CSF2RB: variants seen among roughly 807,000 people sequenced by gnomAD.
CSF2RB encodes colony stimulating factor 2 receptor subunit beta, also known as cytokine receptor common subunit beta.
CSF2RB carries 22 observed loss-of-function variants against 67.2 expected under a neutral mutation model. That is an observed-to-expected ratio of 0.33 (90% CI 0.23 to 0.47). CSF2RB has a LOEUF of 0.47. CSF2RB is among the 20% of genes least tolerant of loss of function. The pLI is 1.00. For synonymous variants in CSF2RB, 507 were observed against 482.9 expected, an observed-to-expected ratio of 1.05 and a Z score of -0.65; for missense variants, 1,113 against 1,174.5, an observed-to-expected ratio of 0.95 and a Z score of 0.76.
rs16985564 is a variant in CSF2RB at position 36,921,508 on chromosome 22, T to C, written c.-172-528T>C. ...TTGCATGGGCATCTTGAGTGAAGCT[T>C]CCAACAATCTAACAGAAGAAAAGGA... On this transcript the variant is annotated intron_variant, in intron 1 of 13. Coordinates refer to ENST00000403662, the MANE Select transcript of CSF2RB (RefSeq NM_000395.3). Among the ~76,000 whole-genome samples, 1,462 of 152,082 alleles carry C rather than the reference T, an allele frequency of 9.6e-3. 13 individuals are homozygous for C. Among genetic ancestry groups the C allele is most frequent in the Non-Finnish European group, 0.012 (798 of 67,990 alleles).
Position 36,937,826 on chromosome 22 carries a change from G to T in CSF2RB, c.2018G>T (p.Gly673Val). The T allele has an allele frequency of 6.2e-7, 1 of 1,601,270 alleles. No homozygotes were observed. ...AGTCCCTCCCTGGAGTCCGGGGGAG[G>T]CCCTGCCCCTCCTGCTCTTGGGCCA... ...AGSPSLESGG[G>V]PAPPALGPRV... The change falls in exon 14 of 14, where the codon GGC (glycine) becomes GTC (valine). Residue 673 changes from glycine (G) to valine (V), a missense_variant. Physicochemically the swap from Gly to Val is moderately radical, Grantham distance 109. Around this residue, in one of 2 missense-constraint regions of CSF2RB, gnomAD observed 554 missense variants for 517.9 expected, o/e 1.07. Transcript: ENST00000403662. The surrounding 1 kb of genome is among the most constrained non-coding windows in gnomAD (Gnocchi z 4.6).
In CSF2RB at chr22:36,923,212, G is replaced by A. The variant is rs1169908591; in HGVS notation, c.77-32G>A. ...TGGTGACAAGGGTCCCTGCAGGAAA[G>A]AGAGGTGACCCCCTTCTACCCCTCT... On this transcript the variant is annotated intron_variant, in intron 2 of 13. Coordinates refer to ENST00000403662, the MANE Select transcript of CSF2RB (RefSeq NM_000395.3). 9.9e-6 allele frequency: 16 copies of A among 1,613,958 alleles called. No homozygotes were observed. In the Admixed American group the frequency reaches 2.5e-4, roughly 25 times the overall value.
At chr22:36,931,187 G>A (rs934890503) in intron 8 of CSF2RB, among the ~76,000 whole-genome samples, 3 of 152,052 alleles carry the variant, frequency 2.0e-5, no homozygotes, top group Non-Finnish European at 2.9e-5. Context: ...ATTCCCCACC[G>A]ACTGATATTC....
Position 36,926,187 on chromosome 22 carries a change from T to C in CSF2RB, c.391+10T>C. 6.2e-7 allele frequency: 1 copy of C among 1,613,400 alleles called. No homozygotes were observed. The highest frequency in any genetic ancestry group is 8.5e-7 in the Non-Finnish European group (1 of 1,179,898). On this transcript the variant is annotated intron_variant, in intron 4 of 13. Transcript: ENST00000403662. Reference sequence around the variant, plus strand: ...ACTCTGACCCAGCATGGTGAGGGGCTGGGGGCCCTGCCCGGGGCTTGGTTT... The same window carrying C: ...ACTCTGACCCAGCATGGTGAGGGGCCGGGGGCCCTGCCCGGGGCTTGGTTT...
rs749940662 is a variant in CSF2RB, at chr22:36,935,397, C to T, written c.1362C>T (p.Ile454=). 9 of 1,614,092 alleles carry T rather than the reference C, an allele frequency of 5.6e-6. 1 individual carries two copies. Among genetic ancestry groups the T allele is most frequent in the South Asian group, 4.4e-5 (4 of 91,090 alleles). The part of the protein sequence containing the change: ...VLALIVIFLT[I]AVLLALRFCG... The stretch of plus-strand genomic sequence containing the variant: ...CCCTCATCGTGATCTTCCTCACCAT[C>T]GCTGTGCTCCTGGCCCTCCGCTTCT... The change falls in exon 11 of 14, where the codon ATC becomes ATT. Residue 454 remains isoleucine, a synonymous_variant. Coordinates refer to ENST00000403662, the MANE Select transcript of CSF2RB (RefSeq NM_000395.3).
In CSF2RB at chr22:36,935,355, G is replaced by A. The variant is rs141316742; in HGVS notation, c.1320G>A (p.Leu440=). 1.5e-4 allele frequency: 244 copies of A among 1,614,176 alleles called. 1 individual carries two copies. The Middle Eastern group carries it at 3.1e-3, about 21-fold the overall frequency. Residue 440 remains leucine, a synonymous_variant, in exon 11 of 14, where the codon CTG becomes CTA. Coordinates refer to ENST00000403662, the MANE Select transcript of CSF2RB (RefSeq NM_000395.3). ...TTTCTCCCCGGCTGCTGGAAGTGCT[G>A]CCTATGTGGGTGCTGGCCCTCATCG... ...EARSWDTESV[L]PMWVLALIVI...
At chr22:36,918,762 A>C (rs1940781717) in intron 1 of CSF2RB, among the ~76,000 whole-genome samples, 1 of 152,238 alleles carries the variant, frequency 6.6e-6, no homozygotes, top group African/African-American at 2.4e-5. Flanking sequence ...TTTTCCCAGC[A>C]TATAAAAGAT....
chr22:36,920,032 G>A (rs1041954519), intron 1 of CSF2RB, among the ~76,000 whole-genome samples: 2 of 152,278 alleles, frequency 1.3e-5, no homozygotes, highest in African/African-American at 4.8e-5. Flanking sequence ...CTTACCAACC[G>A]TGTGACTGTC....
Position 36,937,807 on chromosome 22 carries a change from T to G in CSF2RB, c.1999T>G (p.Ser667Ala). The part of the protein sequence containing the change: ...RPSQGAAGSP[S>A]LESGGGPAPP... ...GAGCCAGGGGGCTGCAGGGAGTCCC[T>G]CCCTGGAGTCCGGGGGAGGCCCTGC... Residue 667 changes from serine to alanine, a missense_variant, in exon 14 of 14, where the codon TCC (serine) becomes GCC (alanine). Physicochemically the swap from Ser to Ala is moderately conservative, Grantham distance 99. Coordinates refer to ENST00000403662, the MANE Select transcript of CSF2RB (RefSeq NM_000395.3). The surrounding 1 kb of genome is among the most constrained non-coding windows in gnomAD (Gnocchi z 4.6). 1 of 1,598,484 alleles carries G rather than the reference T, an allele frequency of 6.3e-7. No individual in the cohort carries two copies.
At position 36,930,497 on chromosome 22, in the gene CSF2RB, A is replaced by T; in HGVS notation, c.841A>T (p.Ser281Cys). ...CTCCTTTGGCCTATTCTACAAGCCCAGCCCAGATGCAGGGTGAGCATCTTT... is the reference window on the plus strand; with the variant it reads ...CTCCTTTGGCCTATTCTACAAGCCCTGCCCAGATGCAGGGTGAGCATCTTT... Reference protein sequence around the residue: ...SVSFGLFYKPSPDAGEEECSP... With the variant: ...SVSFGLFYKPCPDAGEEECSP... Residue 281 changes from serine to cysteine, a missense_variant, in exon 7 of 14, where the codon AGC becomes TGC. Physicochemically the swap from Ser to Cys is moderately radical, Grantham distance 112. Around this residue, in one of 2 missense-constraint regions of CSF2RB, gnomAD observed 559 missense variants for 656.5 expected, o/e 0.85. Coordinates refer to ENST00000403662, the MANE Select transcript of CSF2RB (RefSeq NM_000395.3). 1 of 1,613,554 alleles carries T rather than the reference A, an allele frequency of 6.2e-7. No homozygotes were observed. Among genetic ancestry groups the T allele is most frequent in the Non-Finnish European group, 8.5e-7 (1 of 1,179,998 alleles).
intron 3 of CSF2RB, 67 bp downstream of exon 3, chr22:36,923,434 G>A (rs975721272): frequency 1.1e-5 from 18 of 1,579,138 alleles, no homozygotes; most frequent in Middle Eastern, 1.7e-4. Flanking sequence ...GGCATGGGGC[G>A]ACAGTGTAGA....
At position 36,922,074 on chromosome 22, in the gene CSF2RB, G is replaced by A. The variant is rs1940885517; in HGVS notation, c.-134G>A. On this transcript the variant is annotated 5_prime_UTR_variant, in exon 2 of 14. Transcript: ENST00000403662. ...AGAGGCCAGGAGGGAGAGGTCCCAA[G>A]AGCCTGTGAAATGGGTCTGGCCTGG... is the stretch of plus-strand genomic sequence containing the variant. The A allele has an allele frequency of 2.6e-6, 2 of 770,234 alleles. No homozygotes were observed. The highest frequency in any genetic ancestry group is 2.1e-5 in the Admixed American group (1 of 48,522). 47.7% of individuals were successfully genotyped at this position (770,234 alleles called of 1,614,324 possible).
Position 36,937,928 on chromosome 22 carries a change from T to A in CSF2RB, c.2120T>A (p.Val707Glu). 6.2e-7 allele frequency: 1 copy of A among 1,613,916 alleles called. No individual in the cohort carries two copies. The highest frequency in any genetic ancestry group is 8.5e-7 in the Non-Finnish European group (1 of 1,179,924). The change falls in exon 14 of 14, where the codon GTG becomes GAG. Residue 707 changes from valine (V) to glutamate (E), a missense_variant. Around this residue, in one of 2 missense-constraint regions of CSF2RB, gnomAD observed 554 missense variants for 517.9 expected, o/e 1.07. Transcript: ENST00000403662. The surrounding 1 kb of genome is among the most constrained non-coding windows in gnomAD (Gnocchi z 4.6). ...TCTGGGGACACTGAGGACCCTGGAG[T>A]GGCCTCTGGTTATGTCTCCTCTGCA... ...MSSGDTEDPG[V>E]ASGYVSSADL... is the part of the protein sequence containing the mutation.
rs977010218 is a variant in CSF2RB, at chr22:36,939,132, C to CG, written c.*637dup. On this transcript the variant is annotated 3_prime_UTR_variant, in exon 14 of 14. Transcript: ENST00000403662. ...GAGAAATGGGCATGGTATTGGGGGT[C>CG]GGGGGGGCGGTGCAAGGGACGCACA... 72 of 701,446 alleles carry CG rather than the reference C, an allele frequency of 1.0e-4. No individual in the cohort carries two copies. Among genetic ancestry groups the CG allele is most frequent in the Middle Eastern group, 4.6e-4 (2 of 4,360 alleles). 43.5% of individuals were successfully genotyped at this position (701,446 alleles called of 1,614,324 possible). A position where few individuals can be genotyped will look rare whatever the true frequency, so the allele number is the denominator to read the frequency against.
Position 36,926,192 on chromosome 22 carries a change from G to C in CSF2RB, c.391+15G>C. The stretch of plus-strand genomic sequence containing the variant: ...GACCCAGCATGGTGAGGGGCTGGGG[G>C]CCCTGCCCGGGGCTTGGTTTCCTGT... On this transcript the variant is annotated intron_variant, in intron 4 of 13. Coordinates refer to ENST00000403662, the MANE Select transcript of CSF2RB (RefSeq NM_000395.3). 2 of 1,612,916 alleles carry C rather than the reference G, an allele frequency of 1.2e-6. No homozygotes were observed. Among genetic ancestry groups the C allele is most frequent in the Non-Finnish European group, 1.7e-6 (2 of 1,179,732 alleles).
chr22:36,936,918 G>C (rs143304892), intron 13 of CSF2RB, among the ~76,000 whole-genome samples: 1 of 152,106 alleles, frequency 6.6e-6, no homozygotes, highest in Admixed American at 6.5e-5. Context: ...CCTCAGAGGC[G>C]TCACACTGCA....
At chr22:36,934,131 C>T in intron 10 of CSF2RB, 137 bp downstream of exon 10, 1 of 1,238,404 alleles carries the variant, frequency 8.1e-7, no homozygotes, top group East Asian at 2.5e-5. Flanking sequence ...TAGATGGTGG[C>T]CAAAGAGAAA....
At chr22:36,921,459 G>T (rs542150938) in intron 1 of CSF2RB, among the ~76,000 whole-genome samples, 21 of 151,814 alleles carry the variant, frequency 1.4e-4, no homozygotes, top group Admixed American at 7.2e-4. Flanking sequence ...GCGTGTGTCC[G>T]TGTGCTTGTG....
intron 1 of CSF2RB, among the ~76,000 whole-genome samples, chr22:36,916,254 G>A (rs1940712205): frequency 6.6e-6 from 1 of 152,164 alleles, no homozygotes; most frequent in African/African-American, 2.4e-5. Flanking sequence ...TACAGAAAGA[G>A]TTTTAATAAT....
Sources: gnomAD v4.1 joint callset for allele counts (sites outside exome capture counted in the v4.1 genomes callset) on GRCh38, gnomAD v4.1.1 for gene constraint, gnomAD v4.1.1 regional missense constraint, Gnocchi (gnomAD v3.1) non-coding constraint, MANE v1.5 for transcripts, NCBI Gene and HGNC (gene_info 2026-07-23, HGNC 2026-07-21) for gene names.